Variants in AP3D1 observed in about 807,000 individuals in gnomAD.
The protein encoded by AP3D1 is AP-3 complex subunit delta-1.
In AP3D1, 51 loss-of-function variants were observed where a neutral mutation model predicts 147.6. The ratio of observed to expected loss-of-function variants is 0.35; its 90% CI spans 0.28 to 0.44. The LOEUF (loss-of-function observed/expected upper bound fraction) is 0.44. Ranked by LOEUF, AP3D1 falls within the 20% of genes least tolerant of loss-of-function variation. AP3D1 has a pLI of 1.00. For missense variants in AP3D1, 1,421 were observed against 1,624.2 expected (o/e 0.87, Z 2.15); for synonymous variants, 760 against 663.0 (o/e 1.15, Z -2.25).
At chr19:2,149,798 CGG>C (rs1568310661) in intron 1 of AP3D1, among the ~76,000 whole-genome samples, 1 of 152,158 alleles carries the variant, frequency 6.6e-6, no homozygotes, top group East Asian at 1.9e-4. Flanking sequence ...GGAGCAGGGA[CGG>C]GCGCTGGGAG....
chr19:2,153,671 T>A (rs1312888112), upstream of AP3D1, among the ~76,000 whole-genome samples: 4 of 143,464 alleles, frequency 2.8e-5, no homozygotes, highest in African/African-American at 7.8e-5. Flanking sequence ...CAAGATTCCG[T>A]CTCAAAAAAA....
At chr19:2,106,369 C>T (rs1410621297) in intron 31 of AP3D1, among the ~76,000 whole-genome samples, 1 of 151,900 alleles carries the variant, frequency 6.6e-6, no homozygotes, top group Non-Finnish European at 1.5e-5. Flanking sequence ...GCCAACCTGG[C>T]AAAACCCCAT....
intron 5 of AP3D1, among the ~76,000 whole-genome samples, chr19:2,131,450 A>ATCTAGACACC (rs2018939717): frequency 1.4e-5 from 1 of 72,138 alleles, no homozygotes; most frequent in Non-Finnish European, 3.2e-5. Context: ...GGCAGCCACG[A>ATCTAGACACC]GGGGACAGGG....
At chr19:2,163,870 C>G (rs2019804408) in intron 1 of AP3D1, among the ~76,000 whole-genome samples, 1 of 149,726 alleles carries the variant, frequency 6.7e-6, no homozygotes, top group South Asian at 2.1e-4. Flanking sequence ...GGGCACGCGC[C>G]GGCGTCTTCG....
chr19:2,129,552 C>T (rs999550200), intron 6 of AP3D1, 95 bp from the exon 7 acceptor site: 32 of 1,427,070 alleles, frequency 2.2e-5, no homozygotes, highest in Non-Finnish European at 3.0e-5. Context: ...CTGGGGCCTG[C>T]AGCAGCTCCC....
upstream of AP3D1, among the ~76,000 whole-genome samples, chr19:2,154,807 A>AT (rs1279088413): frequency 8.5e-5 from 13 of 152,260 alleles, no homozygotes; most frequent in Non-Finnish European, 1.6e-4. Flanking sequence ...GTCTATTCAT[A>AT]TGAGATCATA....
intron 1 of AP3D1, among the ~76,000 whole-genome samples, chr19:2,147,035 T>G (rs2019373933): frequency 6.9e-6 from 1 of 145,112 alleles, no homozygotes; most frequent in South Asian, 2.2e-4. Context: ...ACTGACGTTA[T>G]TAAAAGGAGA....
At position 2,151,457 on chromosome 19, in the gene AP3D1, C is replaced by T. The variant is rs2019510437; in HGVS notation, c.-123G>A. ...CGGCCGCTGCGGCGGGGCAAGCTCC[C>T]AGGCCAGGGCGGCGGCGGGGTCCAA... On this transcript the variant is annotated 5_prime_UTR_variant, in exon 1 of 32. Transcript: ENST00000643116. 2.0e-6 allele frequency: 1 copy of T among 494,204 alleles called. No individual in the cohort carries two copies. The highest frequency in any genetic ancestry group is 2.7e-6 in the Non-Finnish European group (1 of 375,364). 30.6% of individuals were successfully genotyped at this position (494,204 alleles called of 1,614,324 possible).
At chr19:2,149,024 TG>T (rs1473866686) in intron 1 of AP3D1, among the ~76,000 whole-genome samples, 1 of 152,028 alleles carries the variant, frequency 6.6e-6, no homozygotes, top group Non-Finnish European at 1.5e-5. Context: ...GAACTGTCAT[TG>T]AACAGTCATT....
chr19:2,158,478 G>A (rs2019667384), intron 1 of AP3D1, among the ~76,000 whole-genome samples: 1 of 150,474 alleles, frequency 6.6e-6, no homozygotes, highest in South Asian at 2.1e-4. Flanking sequence ...GCTACTTTTT[G>A]TGTATTTTTT....
intron 6 of AP3D1, 134 bp downstream of exon 6, chr19:2,130,274 C>T: frequency 2.1e-6 from 3 of 1,397,710 alleles, no homozygotes; most frequent in Non-Finnish European, 2.9e-6. Flanking sequence ...GCCCAGCCAC[C>T]TCCAACAGGC....
chr19:2,119,703 A>T (rs2018557837), intron 14 of AP3D1, among the ~76,000 whole-genome samples: 1 of 145,586 alleles, frequency 6.9e-6, no homozygotes, highest in Admixed American at 6.8e-5. Flanking sequence ...CTGTCTCAAA[A>T]AAAAAAAAAA....
At chr19:2,136,731 G>C (rs533084072) in intron 4 of AP3D1, among the ~76,000 whole-genome samples, 1 of 152,310 alleles carries the variant, frequency 6.6e-6, no homozygotes, top group East Asian at 1.9e-4. Flanking sequence ...AGTGGACCCT[G>C]GAGCCCCATT....
upstream of AP3D1, among the ~76,000 whole-genome samples, chr19:2,154,003 AGTGGTGCG>A (rs1410121468): frequency 4.8e-5 from 7 of 146,608 alleles, no homozygotes; most frequent in Non-Finnish European, 9.0e-5. Context: ...GCTGGAATGC[AGTGGTGCG>A]ATCTCAGCTC....
chr19:2,163,584 G>C (rs962483088), intron 1 of AP3D1, among the ~76,000 whole-genome samples: 1 of 152,038 alleles, frequency 6.6e-6, no homozygotes, highest in African/African-American at 2.4e-5. Context: ...GACTCTTATG[G>C]GGGGAAATTC....
intron 21 of AP3D1, 126 bp downstream of exon 21, chr19:2,114,622 G>GGCCCCCCCCCCCCCCCCCCCCCC: frequency 1.5e-6 from 1 of 665,750 alleles, no homozygotes. Context: ...TCTGGGGAAG[G>GGCCCCCCCCCCCCCCCCCCCCCC]CCCGCCCGCA....
chr19:2,139,052 T>C (rs1272565580), intron 1 of AP3D1, among the ~76,000 whole-genome samples: 2 of 97,064 alleles, frequency 2.1e-5, no homozygotes, highest in African/African-American at 4.1e-5. Flanking sequence ...AGAGCCAGAC[T>C]CCGTCTCAAA....
Position 2,143,475 on chromosome 19 carries a change from T to G in AP3D1, c.97-4761A>C, listed in dbSNP as rs1013492194. Among the ~76,000 whole-genome samples the G allele has an allele frequency of 6.6e-5, 10 of 150,398 alleles. 1 individual carries two copies. Among genetic ancestry groups the G allele is most frequent in the Admixed American group, 3.3e-4 (5 of 15,126 alleles). ...CAGGATGGTCTCGATCTCCTGACCT[T>G]GTGATCCGCCCACCTTGGCCTCTCA... On this transcript the variant is annotated intron_variant, in intron 1 of 31. Transcript: ENST00000643116.
At chr19:2,151,117 C>T in intron 1 of AP3D1, 122 bp downstream of exon 1, 2 of 906,468 alleles carry the variant, frequency 2.2e-6, no homozygotes, top group Non-Finnish European at 1.6e-6. Context: ...GAGCCCTAAG[C>T]GGGACCTCCA....
Sources: gnomAD v4.1 joint callset for allele counts (sites outside exome capture counted in the v4.1 genomes callset) on GRCh38, gnomAD v4.1.1 for gene constraint, MANE v1.5 for transcripts, NCBI Gene and HGNC (gene_info 2026-07-23, HGNC 2026-07-21) for gene names.